Variants in CADM2 observed in about 807,000 individuals in gnomAD.
CADM2 encodes the protein cell adhesion molecule 2.
A neutral mutation model predicts 49.8 loss-of-function variants in CADM2; 12 were observed. That is an observed-to-expected ratio of 0.24 (90% CI 0.15 to 0.39). The LOEUF (loss-of-function observed/expected upper bound fraction) is 0.39, where lower values mean the gene tolerates loss of function less well. CADM2 is among the 10% of genes least tolerant of loss of function. The probability of loss-of-function intolerance (pLI) is 1.00; values close to 1 mark genes in which losing one functional copy is unlikely to be tolerated. For missense variants in CADM2, 378 were observed against 492.3 expected, an observed-to-expected ratio of 0.77 and a Z score of 2.20; for synonymous variants, 214 against 175.4, an observed-to-expected ratio of 1.22 and a Z score of -1.74.
At chr3:85,522,826 A>G (rs2061057112) in intron 1 of CADM2, among the ~76,000 whole-genome samples, 1 of 152,078 alleles carries the variant, frequency 6.6e-6, no homozygotes, top group Non-Finnish European at 1.5e-5. Context: ...CAGGGCTGAT[A>G]GCTCCTGTAT....
At chr3:85,967,737 A>T (rs1430586608) in intron 8 of CADM2, among the ~76,000 whole-genome samples, 2 of 151,568 alleles carry the variant, frequency 1.3e-5, no homozygotes, top group Non-Finnish European at 3.0e-5. Context: ...GCAACGAAAC[A>T]TCTAGCAGTA....
chr3:85,133,856 G>A (rs2039320983), intron 1 of CADM2, among the ~76,000 whole-genome samples: 2 of 152,232 alleles, frequency 1.3e-5, no homozygotes, highest in African/African-American at 4.8e-5. Flanking sequence ...CGCGCCGTGC[G>A]CCCGCGCTCC....
intron 8 of CADM2, among the ~76,000 whole-genome samples, chr3:86,020,910 C>A (rs1733073462): frequency 6.6e-6 from 1 of 152,074 alleles, no homozygotes; most frequent in Admixed American, 6.5e-5. Context: ...TGGAAGCATT[C>A]CCTTTGAAAA....
chr3:85,714,323 G>T (rs2067212537), intron 1 of CADM2, among the ~76,000 whole-genome samples: 2 of 152,178 alleles, frequency 1.3e-5, no homozygotes, highest in South Asian at 2.1e-4. Flanking sequence ...ACATGGTCCT[G>T]AGTTTCACAT....
intron 1 of CADM2, among the ~76,000 whole-genome samples, chr3:85,383,609 T>C (rs2034038928): frequency 6.7e-6 from 1 of 148,946 alleles, no homozygotes; most frequent in Non-Finnish European, 1.5e-5. Flanking sequence ...TTCATTCAAT[T>C]ATCCTCATTT....
chr3:85,422,102 G>T (rs1255724980), intron 1 of CADM2, among the ~76,000 whole-genome samples: 1 of 152,122 alleles, frequency 6.6e-6, no homozygotes, highest in Admixed American at 6.5e-5. Flanking sequence ...ATCTAATTAT[G>T]TATTCTGATC....
At chr3:85,564,884 C>T (rs56031423) in intron 1 of CADM2, among the ~76,000 whole-genome samples, 90,203 of 151,770 alleles carry the variant, frequency 0.59, 28,299 homozygotes, top group East Asian at 0.93. Flanking sequence ...ATATATAAAA[C>T]AGGAATACTA....
intron 1 of CADM2, among the ~76,000 whole-genome samples, chr3:85,704,764 C>G (rs575818293): frequency 6.6e-6 from 1 of 151,900 alleles, no homozygotes. Context: ...GATACATATG[C>G]ATAATTATAT....
chr3:85,822,895 A>G (rs1404783478), intron 3 of CADM2, among the ~76,000 whole-genome samples: 2 of 152,178 alleles, frequency 1.3e-5, no homozygotes, highest in African/African-American at 2.4e-5. Flanking sequence ...TAATTTATGA[A>G]CCATGTCATA....
chr3:85,636,370 A>C (rs971979725), intron 1 of CADM2, among the ~76,000 whole-genome samples: 1 of 152,198 alleles, frequency 6.6e-6, no homozygotes, highest in Non-Finnish European at 1.5e-5. Flanking sequence ...TGAAAAATTG[A>C]AAAAAGCTTA....
chr3:85,094,889 A>C (rs2037735512), intron 1 of CADM2, among the ~76,000 whole-genome samples: 1 of 152,150 alleles, frequency 6.6e-6, no homozygotes, highest in African/African-American at 2.4e-5. Flanking sequence ...GCCAGTGTTC[A>C]CATGAGAATG....
chr3:85,440,871 A>G (rs913145784), intron 1 of CADM2, among the ~76,000 whole-genome samples: 2 of 152,052 alleles, frequency 1.3e-5, no homozygotes, highest in South Asian at 2.1e-4. Flanking sequence ...AATCCCAGTT[A>G]TTTACGAGGC....
intron 1 of CADM2, among the ~76,000 whole-genome samples, chr3:85,515,360 ACAT>A (rs1252021284): frequency 1.3e-5 from 2 of 151,428 alleles, no homozygotes; most frequent in Non-Finnish European, 2.9e-5. Flanking sequence ...AACAAAGATA[ACAT>A]CATCATTAGA....
chr3:85,807,095 G>A (rs2072479861), intron 3 of CADM2, among the ~76,000 whole-genome samples: 1 of 152,102 alleles, frequency 6.6e-6, no homozygotes, highest in Non-Finnish European at 1.5e-5. Context: ...ATGGCATTTG[G>A]ACGCCATGTC....
chr3:85,761,123 A>G (rs535265194), intron 2 of CADM2, among the ~76,000 whole-genome samples: 1 of 152,156 alleles, frequency 6.6e-6, no homozygotes, highest in Non-Finnish European at 1.5e-5. Context: ...GAACACCACT[A>G]TCTACCAAAA....
intron 1 of CADM2, among the ~76,000 whole-genome samples, chr3:85,267,872 C>A (rs950387045): frequency 6.6e-6 from 1 of 151,492 alleles, no homozygotes; most frequent in African/African-American, 2.4e-5. Context: ...TGTCCTAATT[C>A]TTATTATCAA....
At chr3:85,343,500 G>A (rs544191101) in intron 1 of CADM2, among the ~76,000 whole-genome samples, 2 of 152,042 alleles carry the variant, frequency 1.3e-5, no homozygotes, top group African/African-American at 4.8e-5. Flanking sequence ...ATTAATATGA[G>A]AATTTTCTTT....
intron 2 of CADM2, among the ~76,000 whole-genome samples, chr3:85,741,622 C>G (rs569535954): frequency 1.3e-5 from 2 of 152,102 alleles, no homozygotes. Context: ...GAGCCGAGAT[C>G]GTGCCATTGC....
rs143642382 is a variant in CADM2, at chr3:85,906,188, T to C, written c.530-6185T>C. 1.7e-4 allele frequency among the ~76,000 whole-genome samples: 26 copies of C among 152,266 alleles called. No individual in the cohort carries two copies. In the East Asian group the frequency reaches 4.2e-3, roughly 25 times the overall value. On this transcript the variant is annotated intron_variant, in intron 5 of 9. Transcript: ENST00000383699. The stretch of plus-strand genomic sequence containing the variant: ...TTGGGCATGCAATAAAACATCATTT[T>C]AAATATATTTGAGGAGAAAGGACAT...
Sources: gnomAD v4.1 joint callset for allele counts (sites outside exome capture counted in the v4.1 genomes callset) on GRCh38, gnomAD v4.1.1 for gene constraint, MANE v1.5 for transcripts, NCBI Gene and HGNC (gene_info 2026-07-23, HGNC 2026-07-21) for gene names.